Variants in NCOR2 observed in about 807,000 individuals in gnomAD.
The protein encoded by NCOR2 is CTG repeat protein 26.
Under a neutral mutation model 262.9 loss-of-function variants are expected in NCOR2, and 81 were observed. The ratio of observed to expected loss-of-function variants is 0.31; its 90% CI spans 0.26 to 0.37. The LOEUF (loss-of-function observed/expected upper bound fraction) is 0.37, where lower values mean the gene tolerates loss of function less well. Among genes scored for constraint, NCOR2 ranks in the 10% least tolerant of loss-of-function variants. The probability of loss-of-function intolerance (pLI) is 1.00; values close to 1 mark genes in which losing one functional copy is unlikely to be tolerated. For synonymous variants in NCOR2, 1,659 were observed against 1,559.3 expected (o/e 1.06, Z -1.51); for missense variants, 3,385 against 3,621.4 (o/e 0.93, Z 1.68).
chr12:124,405,293 G>A (rs1010764634), intron 13 of NCOR2, among the ~76,000 whole-genome samples: 6 of 152,164 alleles, frequency 3.9e-5, no homozygotes, highest in Non-Finnish European at 8.8e-5. Context: ...CTGAGGCACC[G>A]AGTGCAATCC....
intron 4 of NCOR2, among the ~76,000 whole-genome samples, chr12:124,472,116 T>C (rs948648201): frequency 3.3e-5 from 5 of 152,188 alleles, no homozygotes; most frequent in Non-Finnish European, 7.3e-5. Context: ...TGTGTGTTCC[T>C]GTACAAGGCT....
intron 1 of NCOR2, among the ~76,000 whole-genome samples, chr12:124,492,805 G>T (rs563721737): frequency 7.2e-5 from 11 of 152,194 alleles, no homozygotes; most frequent in Admixed American, 3.3e-4. Context: ...CAAGAAAGCG[G>T]CTCCACCCTG....
At chr12:124,372,414 G>A in exon 20 of NCOR2, 1 of 1,509,560 alleles carries the variant, frequency 6.6e-7, no homozygotes, top group Non-Finnish European at 8.8e-7. Flanking sequence ...GGGGCGTAGG[G>A]GCTCCGGTGG....
At chr12:124,332,609 A>G in intron 42 of NCOR2, 142 bp from the exon 45 acceptor site, 1 of 1,086,986 alleles carries the variant, frequency 9.2e-7, no homozygotes, top group East Asian at 2.6e-5. Flanking sequence ...CCTGCCTGGT[A>G]GAAGATCACG....
chr12:124,421,890 C>G (rs1017535682), intron 12 of NCOR2, among the ~76,000 whole-genome samples: 2 of 152,204 alleles, frequency 1.3e-5, no homozygotes, highest in Non-Finnish European at 2.9e-5. Flanking sequence ...TTGTGTCTAC[C>G]GGCCACCTGG....
rs541088602 is a variant in NCOR2, at chr12:124,447,911, T to C, written c.815+1904A>G. 5.3e-5 allele frequency among the ~76,000 whole-genome samples: 8 copies of C among 152,284 alleles called. No homozygotes were observed. The East Asian group carries it at 9.7e-4, about 18-fold the overall frequency. ...TTTGGCCAGGCTGGTCTTGAACTCCTGGCCCCAGGCAATCCTCCCACCTCA... is the reference window on the plus strand; with the variant it reads ...TTTGGCCAGGCTGGTCTTGAACTCCCGGCCCCAGGCAATCCTCCCACCTCA... On this transcript the variant is annotated intron_variant, in intron 7 of 46. Coordinates refer to ENST00000405201, the Ensembl canonical transcript of NCOR2.
chr12:124,430,257 T>C (rs1157766241), intron 9 of NCOR2, among the ~76,000 whole-genome samples: 1 of 152,138 alleles, frequency 6.6e-6, no homozygotes, highest in African/African-American at 2.4e-5. Flanking sequence ...TCACAGCCAC[T>C]GGGGGAGGCT....
rs1446522507 is a variant in NCOR2 at position 124,531,724 on chromosome 12, AG to A, written c.-118+3840del. 6.6e-6 allele frequency among the ~76,000 whole-genome samples: 1 copy of A among 151,780 alleles called. No individual in the cohort carries two copies. The highest frequency in any genetic ancestry group is 1.5e-5 in the Non-Finnish European group (1 of 67,908). On this transcript the variant is annotated intron_variant, in intron 1 of 46. Coordinates refer to the NCOR2 transcript ENST00000404621. The surrounding 1 kb of genome is among the most constrained non-coding windows in gnomAD (Gnocchi z 4.5). ...CTGGGGTTAAAGCCGGTCCTCCCAGAGCCCCCGAGAGGTGAGATCCCACCGG... is the reference window on the plus strand; with the variant it reads ...CTGGGGTTAAAGCCGGTCCTCCCAGACCCCCGAGAGGTGAGATCCCACCGG...
At chr12:124,339,892 T>TCCCCCCCCCCCCCC in intron 37 of NCOR2, 114 bp downstream of exon 39, 1 of 672,816 alleles carries the variant, frequency 1.5e-6, no homozygotes, top group South Asian at 1.8e-5. Context: ...CCCACACATC[T>TCCCCCCCCCCCCCC]GCCCACCCAC....
chr12:124,382,992 G>A (rs141748814), intron 17 of NCOR2, among the ~76,000 whole-genome samples: 1 of 152,262 alleles, frequency 6.6e-6, no homozygotes, highest in African/African-American at 2.4e-5. Flanking sequence ...CAGCTCCAAA[G>A]CCCTGCTCTG....
rs553564917 is a variant in NCOR2, at chr12:124,481,177, T to C, written c.411+2419A>G. Among the ~76,000 whole-genome samples, 3 of 141,778 alleles carry C rather than the reference T, an allele frequency of 2.1e-5. No homozygotes were observed. Among genetic ancestry groups the C allele is most frequent in the East Asian group, 4.2e-4 (2 of 4,732 alleles). The allele number at this position is 141,778 out of a possible 152,430, so 93.0% of individuals were successfully genotyped here. A position where few individuals can be genotyped will look rare whatever the true frequency, so the allele number is the denominator to read the frequency against. On this transcript the variant is annotated intron_variant, in intron 3 of 46. Transcript: ENST00000405201. The surrounding 1 kb of genome is among the most constrained non-coding windows in gnomAD (Gnocchi z 4.6). ...AGGGAGGAAGAAGGAGGGAGGAAGG[T>C]GTAGAAGGAGAGAAGGAAGGGGAGG...
intron 1 of NCOR2, among the ~76,000 whole-genome samples, chr12:124,502,535 ACAGCAGG>A: frequency 6.6e-6 from 1 of 152,168 alleles, no homozygotes; most frequent in Non-Finnish European, 1.5e-5. Flanking sequence ...GGGAGTCTAC[ACAGCAGG>A]CACAGCAGGT....
chr12:124,424,094 G>A (rs2043387255), intron 11 of NCOR2, among the ~76,000 whole-genome samples: 1 of 152,154 alleles, frequency 6.6e-6, no homozygotes, highest in Non-Finnish European at 1.5e-5. Flanking sequence ...CCCAGCCTGG[G>A]TCCCCCACCC....
At chr12:124,464,954 C>T (rs1274076259) in intron 5 of NCOR2, among the ~76,000 whole-genome samples, 1 of 152,166 alleles carries the variant, frequency 6.6e-6, no homozygotes, top group Non-Finnish European at 1.5e-5. Flanking sequence ...ACACAGTTCC[C>T]AGGCCCCAAA....
chr12:124,559,002 T>C (rs777789239), intron 1 of NCOR2, among the ~76,000 whole-genome samples: 9 of 152,096 alleles, frequency 5.9e-5, no homozygotes, highest in African/African-American at 1.9e-4. Flanking sequence ...AAGTGAACCC[T>C]GGGAGACAAG....
intron 13 of NCOR2, among the ~76,000 whole-genome samples, chr12:124,415,598 G>A (rs1005095085): frequency 6.6e-6 from 1 of 152,228 alleles, no homozygotes; most frequent in Non-Finnish European, 1.5e-5. Flanking sequence ...AGACAGACAG[G>A]GACCTCCTGC....
intron 1 of NCOR2, among the ~76,000 whole-genome samples, chr12:124,562,747 C>A (rs2052113203): frequency 6.6e-6 from 1 of 152,170 alleles, no homozygotes; most frequent in South Asian, 2.1e-4. Flanking sequence ...AGAGACAGGT[C>A]CATCAGAGGA....
chr12:124,372,227 C>A lies in NCOR2; in HGVS notation c.2602G>T (p.Glu868Ter). ...TTGGCCGGCCCCTCCTCGGCTTCCT[C>A]CGTGCACTCGCTCTTGACGGGCTCC... Residue 868 changes from glutamate to a stop codon, truncating the protein, a stop_gained, in exon 20 of 47, where the codon GAG (glutamate) becomes TAG (stop). Coordinates refer to ENST00000405201, the Ensembl canonical transcript of NCOR2. LOFTEE classifies it high-confidence loss of function. 1 of 1,601,102 alleles carries A rather than the reference C, an allele frequency of 6.2e-7. No homozygotes were observed. Among genetic ancestry groups the A allele is most frequent in the Non-Finnish European group, 8.5e-7 (1 of 1,177,576 alleles).
At chr12:124,325,831 G>C (rs2034583301) in intron 46 of NCOR2, among the ~76,000 whole-genome samples, 1 of 152,074 alleles carries the variant, frequency 6.6e-6, no homozygotes, top group Non-Finnish European at 1.5e-5. Context: ...CGTCCCTCTG[G>C]TCTATTCTCC....
Sources: allele counts gnomAD v4.1 joint callset (sites outside exome capture counted in the v4.1 genomes callset), GRCh38; gene constraint gnomAD v4.1.1; non-coding constraint Gnocchi (gnomAD v3.1); transcripts MANE v1.5; gene names NCBI Gene and HGNC (gene_info 2026-07-23, HGNC 2026-07-21).